The following KAZN variants were observed in gnomAD, a reference collection of about 807,000 sequenced individuals.
The protein encoded by KAZN is kazrin.
Under a neutral mutation model 87.4 loss-of-function variants are expected in KAZN, and 40 were observed. The ratio of observed to expected loss-of-function variants is 0.46; its 90% CI spans 0.36 to 0.60. The LOEUF is 0.60. Ranked by LOEUF, KAZN falls within the 20% of genes least tolerant of loss-of-function variation. The pLI, the probability that KAZN is intolerant of heterozygous loss-of-function variation, is 0.00. For missense variants in KAZN, 898 were observed against 1,073.9 expected (o/e 0.84, Z 2.29); for synonymous variants, 466 against 458.3 (o/e 1.02, Z -0.22).
intron 2 of KAZN, among the ~76,000 whole-genome samples, chr1:14,258,425 C>T (rs1322919588): frequency 1.4e-5 from 2 of 144,224 alleles, no homozygotes; most frequent in African/African-American, 2.7e-5. Flanking sequence ...TAGTAGACCA[C>T]GGGGTTTCAC....
chr1:13,946,189 A>G (rs1443135941), intron 1 of KAZN, among the ~76,000 whole-genome samples: 2 of 152,192 alleles, frequency 1.3e-5, no homozygotes, highest in African/African-American at 4.8e-5. Context: ...CCCTCATGTC[A>G]TGATTTAAGT....
At chr1:15,008,820 G>A (rs753543122) in intron 2 of KAZN, among the ~76,000 whole-genome samples, 2 of 152,114 alleles carry the variant, frequency 1.3e-5, no homozygotes, top group Admixed American at 6.5e-5. Context: ...TAAGAGGAGC[G>A]GCAAGGCTGA....
intron 2 of KAZN, among the ~76,000 whole-genome samples, chr1:15,024,075 G>A (rs1219641295): frequency 1.3e-5 from 2 of 152,114 alleles, no homozygotes; most frequent in African/African-American, 4.8e-5. Context: ...TCAAGCAGAG[G>A]TGTGGATGCT....
intron 1 of KAZN, among the ~76,000 whole-genome samples, chr1:14,103,007 C>G (rs56304887): frequency 0.028 from 4,171 of 151,530 alleles, 206 homozygotes; most frequent in African/African-American, 0.095. Flanking sequence ...CTCCTGGGTT[C>G]AAAGGATTCT....
intron 2 of KAZN, among the ~76,000 whole-genome samples, chr1:14,514,604 T>TTTC (rs1671194142): frequency 2.9e-5 from 1 of 33,942 alleles, no homozygotes; most frequent in Non-Finnish European, 4.6e-5. Context: ...TTTATATATA[T>TTTC]ATATATATAT....
intron 2 of KAZN, among the ~76,000 whole-genome samples, chr1:14,435,429 G>A (rs971854042): frequency 2.0e-5 from 3 of 152,212 alleles, no homozygotes; most frequent in Non-Finnish European, 2.9e-5. Context: ...GCAAGGAGGA[G>A]AATAAACACC....
intron 2 of KAZN, among the ~76,000 whole-genome samples, chr1:14,228,778 C>T (rs1647529910): frequency 6.6e-6 from 1 of 152,162 alleles, no homozygotes; most frequent in Non-Finnish European, 1.5e-5. Context: ...ATGTAAAATT[C>T]TAGATCATGT....
chr1:14,469,460 A>T (rs533417868), intron 2 of KAZN, among the ~76,000 whole-genome samples: 6 of 152,346 alleles, frequency 3.9e-5, no homozygotes, highest in African/African-American at 1.4e-4. Context: ...GCCCATTTTT[A>T]AAAAATGAAA....
intron 2 of KAZN, among the ~76,000 whole-genome samples, chr1:14,395,868 G>A (rs1358152182): frequency 6.6e-6 from 1 of 152,042 alleles, no homozygotes; most frequent in Non-Finnish European, 1.5e-5. Context: ...CACAGTTCTT[G>A]TACCTTTTTA....
chr1:14,933,423 C>G (rs976110879), intron 1 of KAZN, among the ~76,000 whole-genome samples: 1 of 152,072 alleles, frequency 6.6e-6, no homozygotes, highest in Non-Finnish European at 1.5e-5. Flanking sequence ...ACAGTCCATT[C>G]CTGCCCCACC....
intron 1 of KAZN, among the ~76,000 whole-genome samples, chr1:14,035,776 GT>G (rs1454818156): frequency 6.6e-6 from 1 of 151,788 alleles, no homozygotes; most frequent in Non-Finnish European, 1.5e-5. Flanking sequence ...TACCTTGCCT[GT>G]TTTGCCATTC....
chr1:14,481,930 G>A lies in KAZN; in HGVS notation c.250-117053G>A, dbSNP rs572851445. Among the ~76,000 whole-genome samples the A allele has an allele frequency of 1.4e-3, 210 of 152,326 alleles. 1 individual carries two copies. The highest frequency in any genetic ancestry group is 6.8e-3 in the Middle Eastern group (2 of 292). ...CAGGCCCAGTGGTACAAGAGCAAAC[G>A]GCATGCCTGCATGGAGTGTCCAGGC... On this transcript the variant is annotated intron_variant, in intron 2 of 16. Coordinates refer to the KAZN transcript ENST00000636203.
At chr1:14,875,202 A>G (rs1652616474) in intron 1 of KAZN, among the ~76,000 whole-genome samples, 1 of 151,960 alleles carries the variant, frequency 6.6e-6, no homozygotes, top group Non-Finnish European at 1.5e-5. Flanking sequence ...ATGATGGTGC[A>G]TGCCTGTAAT....
intron 1 of KAZN, among the ~76,000 whole-genome samples, chr1:13,947,345 T>G (rs548115313): frequency 6.6e-6 from 1 of 152,250 alleles, no homozygotes; most frequent in African/African-American, 2.4e-5. Flanking sequence ...GGCAAAATCG[T>G]GAGTGGACTC....
At chr1:14,311,636 AGAGGC>A (rs1655308248) in intron 2 of KAZN, among the ~76,000 whole-genome samples, 1 of 152,190 alleles carries the variant, frequency 6.6e-6, no homozygotes, top group Non-Finnish European at 1.5e-5. Context: ...TCTGAAAGAC[AGAGGC>A]CTTCCTGATT....
chr1:15,021,671 G>C lies in KAZN; in HGVS notation c.419-13078G>C, dbSNP rs958966563. Among the ~76,000 whole-genome samples the C allele has an allele frequency of 2.0e-5, 3 of 152,158 alleles. No individual in the cohort carries two copies. Among genetic ancestry groups the C allele is most frequent in the Non-Finnish European group, 4.4e-5 (3 of 68,022 alleles). ...GCAGGGACAGTGTGCCCTGCGTGCA[G>C]TTAGCACCCTGAAGCCTGCAGAGGG... On this transcript the variant is annotated intron_variant, in intron 2 of 14. Transcript: ENST00000376030. The surrounding 1 kb of genome is among the most constrained non-coding windows in gnomAD (Gnocchi z 4.2).
intron 2 of KAZN, among the ~76,000 whole-genome samples, chr1:14,970,041 T>C (rs1203740445): frequency 3.3e-5 from 5 of 152,192 alleles, no homozygotes; most frequent in African/African-American, 9.6e-5. Context: ...CTTGAACTCC[T>C]GACTTCAAGT....
At chr1:15,060,035 C>A in intron 5 of KAZN, 137 bp from the exon 6 acceptor site, 1 of 1,137,662 alleles carries the variant, frequency 8.8e-7, no homozygotes, top group East Asian at 2.6e-5. Flanking sequence ...GTTGGAGAAC[C>A]AGGCAAGTCT....
intron 1 of KAZN, among the ~76,000 whole-genome samples, chr1:14,014,936 C>G (rs1007184678): frequency 6.6e-6 from 1 of 152,068 alleles, no homozygotes; most frequent in Non-Finnish European, 1.5e-5. Context: ...AGCAATTTAC[C>G]CAGTGATAAG....
Sources: allele counts gnomAD v4.1 joint callset (sites outside exome capture counted in the v4.1 genomes callset), GRCh38; gene constraint gnomAD v4.1.1; non-coding constraint Gnocchi (gnomAD v3.1); transcripts MANE v1.5; gene names NCBI Gene and HGNC (gene_info 2026-07-23, HGNC 2026-07-21).